Variants in SLC12A1 observed in about 807,000 individuals in gnomAD.
The protein encoded by SLC12A1 is Na-K-2Cl cotransporter.
A neutral mutation model predicts 130.4 loss-of-function variants in SLC12A1; 89 were observed. The observed-to-expected ratio is 0.68, with a 90% CI of 0.58 to 0.81. The LOEUF is 0.81. Ranked by LOEUF, SLC12A1 falls within the 40% of genes least tolerant of loss-of-function variation. SLC12A1 has a pLI of 0.00. For missense variants in SLC12A1, 1,310 were observed against 1,336.4 expected (o/e 0.98, Z 0.31); for synonymous variants, 499 against 460.0 (o/e 1.08, Z -1.09).
intron 17 of SLC12A1, among the ~76,000 whole-genome samples, chr15:48,262,019 CATTGTTATTGTGAT>C (rs1194793804): frequency 7.9e-5 from 12 of 152,088 alleles, no homozygotes; most frequent in Admixed American, 7.9e-4. Flanking sequence ...AATTAACTTT[CATTGTTATTGTGAT>C]ATTGTTATTG....
intron 2 of SLC12A1, among the ~76,000 whole-genome samples, chr15:48,212,471 C>T (rs2041064510): frequency 2.6e-5 from 4 of 152,114 alleles, no homozygotes; most frequent in South Asian, 4.1e-4. Flanking sequence ...GAGATCTTTC[C>T]GTATTAAAGC....
intron 4 of SLC12A1, chr15:48,226,000 C>A: frequency 3.9e-6 from 2 of 513,164 alleles, no homozygotes; most frequent in Non-Finnish European, 5.0e-6. Context: ...GCAACACAGG[C>A]TCTAACAGTT....
At position 48,256,284 on chromosome 15, in the gene SLC12A1, C is replaced by G. The variant is rs141641368; in HGVS notation, c.2042+374C>G. Among the ~76,000 whole-genome samples the G allele has an allele frequency of 4.8e-3, 738 of 152,328 alleles. 8 individuals carry two copies. The highest frequency in any genetic ancestry group is 0.044 in the Middle Eastern group (13 of 294). ...CTTACTGAATTCTCTTAAAAGTAAT[C>G]CTTTTAGCTTTTCATTAGTTGTATC... On this transcript the variant is annotated intron_variant, in intron 16 of 26. Transcript: ENST00000380993.
intron 4 of SLC12A1, 120 bp from the exon 5 acceptor site, chr15:48,226,356 C>G: frequency 1.6e-6 from 1 of 608,356 alleles, no homozygotes; most frequent in Non-Finnish European, 2.8e-6. Flanking sequence ...ACAAAGAAAC[C>G]CCGTTGGAGC....
rs543833125 is a variant in SLC12A1, at chr15:48,260,305, C to T, written c.2154+994C>T. 7.3e-5 allele frequency among the ~76,000 whole-genome samples: 11 copies of T among 149,918 alleles called. No homozygotes were observed. In the South Asian group the frequency reaches 1.5e-3, roughly 20 times the overall value. ...AATAATAAAGTCTAAGTCCTCCACA[C>T]TAGCCCACCTCTACTTGTATTCCCT... On this transcript the variant is annotated intron_variant, in intron 17 of 26. Transcript: ENST00000380993.
intron 11 of SLC12A1, among the ~76,000 whole-genome samples, chr15:48,245,509 G>C (rs1228425909): frequency 6.6e-6 from 1 of 152,198 alleles, no homozygotes; most frequent in South Asian, 2.1e-4. Context: ...TTGTAAGTGA[G>C]AATATGTGGT....
At chr15:48,270,450 G>C (rs1480150320) in intron 19 of SLC12A1, among the ~76,000 whole-genome samples, 2 of 151,624 alleles carry the variant, frequency 1.3e-5, no homozygotes, top group African/African-American at 4.8e-5. Context: ...TGGAGAAAAA[G>C]ACATTAAAAA....
At chr15:48,259,426 T>C (rs2041745433) in intron 17 of SLC12A1, 115 bp downstream of exon 17, 18 of 763,064 alleles carry the variant, frequency 2.4e-5, no homozygotes, top group Non-Finnish European at 4.0e-5. Flanking sequence ...AAACAGTTTA[T>C]AGGAGAGCCC....
At chr15:48,259,726 C>T (rs1222332681) in intron 17 of SLC12A1, among the ~76,000 whole-genome samples, 2 of 152,102 alleles carry the variant, frequency 1.3e-5, no homozygotes, top group Non-Finnish European at 2.9e-5. Context: ...AATGACAGCA[C>T]ATAGAATTTA....
Position 48,274,587 on chromosome 15 carries a change from G to C in SLC12A1, c.2419G>C (p.Glu807Gln). 1 of 1,612,742 alleles carries C rather than the reference G, an allele frequency of 6.2e-7. No homozygotes were observed. The highest frequency in any genetic ancestry group is 1.3e-5 in the African/African-American group (1 of 75,030). Residue 807 changes from glutamate to glutamine, a missense_variant, in exon 20 of 27, where the codon GAG (glutamate) becomes CAG (glutamine). By Grantham distance (29) the Glu-to-Gln change is conservative. Coordinates refer to ENST00000380993, the MANE Select transcript of SLC12A1 (RefSeq NM_000338.3). ...VGIIHDAFDF[E>Q]IGVVIVRISQ... The stretch of plus-strand genomic sequence containing the variant: ...CTCTTTCAGTGATGCATTTGATTTT[G>C]AGATTGGCGTGGTTATAGTCAGAAT...
chr15:48,280,023 A>T (rs1336480788), intron 20 of SLC12A1, among the ~76,000 whole-genome samples: 1 of 151,938 alleles, frequency 6.6e-6, no homozygotes. Context: ...AAGAAAAAGG[A>T]TGCTGTAAAA....
At chr15:48,246,853 T>C (rs2041587884) in intron 11 of SLC12A1, 56 bp from the exon 12 acceptor site, 4 of 1,167,416 alleles carry the variant, frequency 3.4e-6, no homozygotes, top group Admixed American at 1.7e-5. Flanking sequence ...GCCGTTTGCT[T>C]ATGAAACAGA....
At chr15:48,217,113 A>G (rs1274307887) in intron 2 of SLC12A1, among the ~76,000 whole-genome samples, 1 of 152,204 alleles carries the variant, frequency 6.6e-6, no homozygotes, top group Non-Finnish European at 1.5e-5. Context: ...TTGAAGTAAT[A>G]TTTTATAGAT....
intron 2 of SLC12A1, among the ~76,000 whole-genome samples, chr15:48,210,786 C>T (rs899767010): frequency 6.6e-6 from 1 of 151,510 alleles, no homozygotes; most frequent in Non-Finnish European, 1.5e-5. Flanking sequence ...TTGCTTGAAC[C>T]TGAGAGGCAG....
intron 17 of SLC12A1, among the ~76,000 whole-genome samples, chr15:48,264,220 G>A (rs1305918043): frequency 6.6e-6 from 1 of 152,144 alleles, no homozygotes; most frequent in Admixed American, 6.5e-5. Flanking sequence ...TGTAAAGGAG[G>A]AAAGGGATGG....
chr15:48,244,790 T>C lies in SLC12A1; in HGVS notation c.1338T>C (p.Asn446=), dbSNP rs188300373. ...CVVRDATGNM[N]DTIISGMNCN... is the part of the protein sequence containing the mutation. ...TCCGAGATGCCACCGGGAACATGAA[T>C]GACACCATCATTTCTGGGATGAACT... Residue 446 remains asparagine (N), a synonymous_variant, in exon 11 of 27, where the codon AAT becomes AAC. Transcript: ENST00000380993. 6 of 1,613,964 alleles carry C rather than the reference T, an allele frequency of 3.7e-6. No homozygotes were observed. In the Admixed American group the frequency reaches 8.3e-5, roughly 22 times the overall value.
intron 8 of SLC12A1, 74 bp downstream of exon 8, chr15:48,232,912 C>A: frequency 2.3e-6 from 2 of 863,446 alleles, no homozygotes; most frequent in Non-Finnish European, 3.8e-6. Flanking sequence ...CCCATCAACC[C>A]AACCCCAGCC....
At chr15:48,221,550 A>T in intron 4 of SLC12A1, 1 of 578,556 alleles carries the variant, frequency 1.7e-6, no homozygotes, top group East Asian at 2.8e-5. Flanking sequence ...TGAAATGACT[A>T]AGATAATATG....
chr15:48,221,088 A>G, intron 4 of SLC12A1, 92 bp downstream of exon 4: 1 of 1,160,656 alleles, frequency 8.6e-7, no homozygotes, highest in South Asian at 1.2e-5. Flanking sequence ...ATGTGAGATG[A>G]AGGTCACAGA....
Sources: allele counts gnomAD v4.1 joint callset (sites outside exome capture counted in the v4.1 genomes callset), GRCh38; gene constraint gnomAD v4.1.1; transcripts MANE v1.5; gene names NCBI Gene and HGNC (gene_info 2026-07-23, HGNC 2026-07-21).